The following TACC2 variants were observed in gnomAD, a reference collection of about 807,000 sequenced individuals.
TACC2 encodes the protein transforming acidic coiled-coil-containing protein 2.
In TACC2, 137 loss-of-function variants were observed where a neutral mutation model predicts 227.3. The ratio of observed to expected loss-of-function variants is 0.60; its 90% confidence interval spans 0.52 to 0.69. TACC2 has a LOEUF of 0.69. Ranked by LOEUF, TACC2 falls within the 30% of genes least tolerant of loss-of-function variation. The pLI is 0.00. For missense variants in TACC2, 3,470 were observed against 3,694.4 expected, an observed-to-expected ratio of 0.94 and a Z score of 1.57; for synonymous variants, 1,523 against 1,487.5, an observed-to-expected ratio of 1.02 and a Z score of -0.55.
Position 122,086,232 on chromosome 10 carries a change from C to G in TACC2, c.3732C>G (p.Ala1244=). ...DTPYLHVDSA[A]QRGAEDSGVK... ...CTTACCTGCATGTCGACAGTGCTGC[C>G]CAGAGAGGAGCAGAAGACAGTGGAG... The change falls in exon 4 of 23, where the codon GCC becomes GCG. Residue 1244 remains alanine, a synonymous_variant. Transcript: ENST00000369005. 6.2e-7 allele frequency: 1 copy of G among 1,613,904 alleles called. No homozygotes were observed.
intron 3 of TACC2, among the ~76,000 whole-genome samples, chr10:122,080,540 C>G (rs1261879444): frequency 6.6e-6 from 1 of 152,070 alleles, no homozygotes; most frequent in African/African-American, 2.4e-5. Flanking sequence ...GCCTCTTCCT[C>G]TTCTTATAAA....
intron 2 of TACC2, among the ~76,000 whole-genome samples, chr10:122,031,284 C>T (rs2135787553): frequency 6.6e-6 from 1 of 152,180 alleles, no homozygotes; most frequent in South Asian, 2.1e-4. Flanking sequence ...CTGGATTGCG[C>T]TCTACTTTCC....
Position 122,132,624 on chromosome 10 carries a change from T to C in TACC2, c.5589T>C (p.Asp1863=). ...CTCTCCCCAGTTCACCTGTGGCAGA[T>C]GATATCATCCAGCCCGCTGCCCCCG... ...AEGTESSPVA[D]DIIQPAAPAD... Residue 1863 remains aspartate, a synonymous_variant, in exon 6 of 23, where the codon GAT becomes GAC. Transcript: ENST00000369005. 2 of 1,614,140 alleles carry C rather than the reference T, an allele frequency of 1.2e-6. No homozygotes were observed. The highest frequency in any genetic ancestry group is 1.1e-5 in the South Asian group (1 of 91,080).
At chr10:122,163,885 C>A (rs1461515725) in intron 7 of TACC2, 1 of 1,545,456 alleles carries the variant, frequency 6.5e-7, no homozygotes, top group Non-Finnish European at 8.7e-7. Context: ...AGGACGCTGG[C>A]CCCGCTCGCG....
Position 122,205,143 on chromosome 10 carries a change from C to T in TACC2, c.5972-5254C>T, listed in dbSNP as rs974569293. Among the ~76,000 whole-genome samples the T allele has an allele frequency of 4.6e-5, 7 of 152,200 alleles. No homozygotes were observed. Among genetic ancestry groups the T allele is most frequent in the African/African-American group, 1.4e-4 (6 of 41,446 alleles). Reference sequence around the variant, plus strand: ...GTCAGTAACTGTCCCCACAGTGCCTCGACGGCACTTTTCCCTCTTGGTTTC... The same window carrying T: ...GTCAGTAACTGTCCCCACAGTGCCTTGACGGCACTTTTCCCTCTTGGTTTC... On this transcript the variant is annotated intron_variant, in intron 8 of 22. Transcript: ENST00000369005. The surrounding 1 kb of genome is among the most constrained non-coding windows in gnomAD (Gnocchi z 4.5).
intron 3 of TACC2, among the ~76,000 whole-genome samples, chr10:122,066,823 A>T (rs1376519189): frequency 1.3e-5 from 2 of 152,014 alleles, no homozygotes; most frequent in Non-Finnish European, 2.9e-5. Flanking sequence ...CTTCTTTTGG[A>T]TTATTTTATT....
At chr10:122,033,291 T>C in intron 2 of TACC2, 2 of 452,054 alleles carry the variant, frequency 4.4e-6, no homozygotes, top group Admixed American at 3.0e-5. Context: ...GCTTCTTCCA[T>C]CCACCCCAAA....
intron 11 of TACC2, among the ~76,000 whole-genome samples, chr10:122,217,140 G>A (rs1374640907): frequency 6.6e-6 from 1 of 152,116 alleles, no homozygotes; most frequent in Non-Finnish European, 1.5e-5. Context: ...TGTCCCCTCT[G>A]TGATTTTGAT....
intron 7 of TACC2, among the ~76,000 whole-genome samples, chr10:122,166,390 A>G (rs1238508562): frequency 6.6e-6 from 1 of 152,146 alleles, no homozygotes; most frequent in African/African-American, 2.4e-5. Flanking sequence ...TGACAGCTTC[A>G]TTCTATGCAG....
Position 122,215,449 on chromosome 10 carries a change from C to T in TACC2, c.7342C>T (p.Gln2448Ter). 6.2e-7 allele frequency: 1 copy of T among 1,613,768 alleles called. No individual in the cohort carries two copies. The highest frequency in any genetic ancestry group is 8.5e-7 in the Non-Finnish European group (1 of 1,179,694). ...GTCTCCTCTCTCTGATCCACCTTCC[C>T]AGGTACAGTGTTCCTTTGATCTTGA... ...KRSPLSDPPSQDPTPAATPET... is the reference protein window; with the variant it reads ...KRSPLSDPPS The change falls in exon 10 of 23, where the codon CAG becomes TAG. Residue 2448 changes from glutamine (Q) to a stop codon, truncating the protein, a stop_gained and splice_region_variant. Coordinates refer to ENST00000369005, the MANE Select transcript of TACC2 (RefSeq NM_206862.4). LOFTEE classifies it high-confidence loss of function.
At position 122,176,109 on chromosome 10, in the gene TACC2, CTCTCTCTCTA is replaced by C. The variant is rs60229087; in HGVS notation, c.5835-18929_5835-18920del. Among the ~76,000 whole-genome samples, 347 of 67,926 alleles carry C rather than the reference CTCTCTCTCTA, an allele frequency of 5.1e-3. 1 individual carries two copies. Among genetic ancestry groups the C allele is most frequent in the African/African-American group, 0.015 (179 of 12,296 alleles). 44.6% of individuals were successfully genotyped at this position (67,926 alleles called of 152,430 possible). A position where few individuals can be genotyped will look rare whatever the true frequency, so the allele number is the denominator to read the frequency against. ...TCTCTCTCTCTCTCTCTCTCTCTCTCTCTCTCTCTATATATATATATATATATATATATAT... is the reference window on the plus strand; with the variant it reads ...TCTCTCTCTCTCTCTCTCTCTCTCTCTATATATATATATATATATATATAT... On this transcript the variant is annotated intron_variant, in intron 7 of 22. Coordinates refer to ENST00000369005, the MANE Select transcript of TACC2 (RefSeq NM_206862.4).
chr10:122,086,745 C>A lies in TACC2; in HGVS notation c.4245C>A (p.Ile1415=), dbSNP rs2080133527. Residue 1415 remains isoleucine, a synonymous_variant, in exon 4 of 23, where the codon ATC becomes ATA. Transcript: ENST00000369005. ...ACTTCAGGGAGCACATCGCCAAGATCTTCGAGAAGCCTGTGCTCGGAGCCC... is the reference window on the plus strand; with the variant it reads ...ACTTCAGGGAGCACATCGCCAAGATATTCGAGAAGCCTGTGCTCGGAGCCC... ...FPDFREHIAK[I]FEKPVLGALA... 2 of 1,613,862 alleles carry A rather than the reference C, an allele frequency of 1.2e-6. No homozygotes were observed. The highest frequency in any genetic ancestry group is 1.7e-6 in the Non-Finnish European group (2 of 1,179,984).
Position 122,028,099 on chromosome 10 carries a change from T to A in TACC2, c.33+6085T>A, listed in dbSNP as rs1436684077. 8.2e-5 allele frequency among the ~76,000 whole-genome samples: 11 copies of A among 134,276 alleles called. 1 individual carries two copies. Among genetic ancestry groups the A allele is most frequent in the South Asian group, 2.5e-4 (1 of 4,042 alleles). The allele number at this position is 134,276 out of a possible 152,430, so 88.1% of individuals were successfully genotyped here. On this transcript the variant is annotated intron_variant, in intron 2 of 22. Transcript: ENST00000369005. ...TTCTTTCTTTCTTTTTTTTTTTTTT[T>A]TTTTTTGAGATGGAGTCTCACTCTG...
At chr10:122,119,009 C>T (rs1410034736) in intron 5 of TACC2, among the ~76,000 whole-genome samples, 1 of 151,944 alleles carries the variant, frequency 6.6e-6, no homozygotes, top group Admixed American at 6.6e-5. Context: ...TAAGATGTAC[C>T]ATCATAACCA....
intron 5 of TACC2, among the ~76,000 whole-genome samples, chr10:122,101,723 CTTTTTTTTTTT>C (rs1179126977): frequency 1.8e-5 from 1 of 55,726 alleles, no homozygotes. Context: ...CCATGCCCAG[CTTTTTTTTTTT>C]TTTTTTTTTT....
At chr10:122,017,371 C>T (rs1212765353) in intron 1 of TACC2, among the ~76,000 whole-genome samples, 1 of 151,756 alleles carries the variant, frequency 6.6e-6, no homozygotes, top group Non-Finnish European at 1.5e-5. Flanking sequence ...TCTTCTCTCC[C>T]TCCCTCCCTG....
intron 11 of TACC2, among the ~76,000 whole-genome samples, chr10:122,217,847 T>C (rs1263075012): frequency 6.6e-6 from 1 of 152,154 alleles, no homozygotes; most frequent in Non-Finnish European, 1.5e-5. Flanking sequence ...TCCAACCCAT[T>C]TTCTCCTCCA....
chr10:122,002,958 T>G (rs1334196095), intron 1 of TACC2, among the ~76,000 whole-genome samples: 1 of 152,172 alleles, frequency 6.6e-6, no homozygotes, highest in Non-Finnish European at 1.5e-5. Flanking sequence ...ATCCCAGCAC[T>G]TTAGGAGGCC....
At chr10:122,075,011 G>A (rs2078607072) in intron 3 of TACC2, among the ~76,000 whole-genome samples, 1 of 152,036 alleles carries the variant, frequency 6.6e-6, no homozygotes. Context: ...CATCCTAAAT[G>A]TTGGTGGGGT....
Sources: allele counts gnomAD v4.1 joint callset (sites outside exome capture counted in the v4.1 genomes callset), GRCh38; gene constraint gnomAD v4.1.1; non-coding constraint Gnocchi (gnomAD v3.1); transcripts MANE v1.5; gene names NCBI Gene and HGNC (gene_info 2026-07-23, HGNC 2026-07-21).